TRRAP: variants seen among roughly 807,000 people sequenced by gnomAD.
The protein encoded by TRRAP is transformation/transcription domain associated protein.
TRRAP carries 41 observed loss-of-function variants against 438.8 expected under a neutral mutation model. The observed-to-expected ratio is 0.09, with a 90% CI of 0.07 to 0.12. TRRAP has a LOEUF of 0.12. TRRAP is among the 10% of genes least tolerant of loss of function. The pLI is 1.00. For synonymous variants in TRRAP, 1,994 were observed against 1,962.9 expected (o/e 1.02, Z -0.42); for missense variants, 3,122 against 5,055.1 (o/e 0.62, Z 11.60).
At chr7:98,902,592 A>ATGGAAC (rs3837104) in intron 11 of TRRAP, among the ~76,000 whole-genome samples, 58,634 of 151,696 alleles carry the variant, frequency 0.39, 13,688 homozygotes, top group Non-Finnish European at 0.51. Context: ...CATGAAGAAA[A>ATGGAAC]TGGAACATTT....
rs59353514 is a variant in TRRAP at position 98,904,483 on chromosome 7, C to CAA, written c.1036+991_1036+992dup. On this transcript the variant is annotated intron_variant, in intron 12 of 72. Transcript: ENST00000456197. ...TGGGCGACAGAGCAAGACTCTGTCTCAAAAAAAAAAAAAAAAAAAAAAAAA... is the reference window on the plus strand; with the variant it reads ...TGGGCGACAGAGCAAGACTCTGTCTCAAAAAAAAAAAAAAAAAAAAAAAAAAA... Among the ~76,000 whole-genome samples, 148 of 45,492 alleles carry CAA rather than the reference C, an allele frequency of 3.3e-3. 1 individual carries two copies. Among genetic ancestry groups the CAA allele is most frequent in the African/African-American group, 4.6e-3 (66 of 14,232 alleles). The allele number at this position is 45,492 out of a possible 152,430, so 29.8% of individuals were successfully genotyped here. A position where few individuals can be genotyped will look rare whatever the true frequency, so the allele number is the denominator to read the frequency against.
At chr7:98,882,116 C>G in intron 3 of TRRAP, 92 bp downstream of exon 3, 1 of 1,057,182 alleles carries the variant, frequency 9.5e-7, no homozygotes, top group South Asian at 1.5e-5. Context: ...ACTAGCAACT[C>G]AAAGATCATT....
intron 20 of TRRAP, among the ~76,000 whole-genome samples, chr7:98,919,879 G>A (rs1554410173): frequency 1.3e-5 from 2 of 152,180 alleles, no homozygotes; most frequent in Non-Finnish European, 2.9e-5. Context: ...CACAGGGTCA[G>A]CCTCTCCCAG....
chr7:98,909,907 G>A, intron 14 of TRRAP, 149 bp from the exon 15 acceptor site: 1 of 1,409,092 alleles, frequency 7.1e-7, no homozygotes, highest in South Asian at 1.8e-5. Flanking sequence ...GGCAAAAACT[G>A]CAATTCCTTT....
chr7:98,953,585 G>T, intron 40 of TRRAP, 152 bp downstream of exon 40: 1 of 1,110,210 alleles, frequency 9.0e-7, no homozygotes, highest in Non-Finnish European at 1.2e-6. Flanking sequence ...CCACTTAGAA[G>T]ACCATAGGGC....
chr7:98,981,982 G>A lies in TRRAP; in HGVS notation c.8826+22G>A, dbSNP rs1017891001. 5.2e-6 allele frequency: 8 copies of A among 1,546,948 alleles called. No individual in the cohort carries two copies. The African/African-American group carries it at 6.9e-5, about 13-fold the overall frequency. On this transcript the variant is annotated intron_variant, in intron 59 of 72. Transcript: ENST00000456197. ...ACAGGTGCGTGCGGTGCCCCCATGCGAGCACAGGCCTGTGGCCTGTCGCAG... is the reference window on the plus strand; with the variant it reads ...ACAGGTGCGTGCGGTGCCCCCATGCAAGCACAGGCCTGTGGCCTGTCGCAG...
chr7:98,962,438 G>A lies in TRRAP; in HGVS notation c.6829+11G>A. On this transcript the variant is annotated intron_variant, in intron 47 of 72. Coordinates refer to ENST00000456197, the MANE Select transcript of TRRAP (RefSeq NM_001375524.1). ...CCTCCCAGCTCTTCGGTGAGTGTGT[G>A]TCTGTCCTGGTGTTCGTGGTGGCTC... 1.9e-6 allele frequency: 3 copies of A among 1,614,042 alleles called. No individual in the cohort carries two copies. The highest frequency in any genetic ancestry group is 2.5e-6 in the Non-Finnish European group (3 of 1,180,026).
At chr7:98,947,054 G>A (rs1001006368) in intron 33 of TRRAP, among the ~76,000 whole-genome samples, 13 of 152,238 alleles carry the variant, frequency 8.5e-5, no homozygotes, top group African/African-American at 2.7e-4. Context: ...GTGCTGCTGG[G>A]AGTGGGGCCC....
At chr7:98,950,747 G>T (rs1263705849) in intron 38 of TRRAP, 129 bp from the exon 39 acceptor site, 1 of 1,117,560 alleles carries the variant, frequency 8.9e-7, no homozygotes, top group East Asian at 2.7e-5. Context: ...AGTCAAGGTT[G>T]GTAGTCACAC....
chr7:98,942,804 C>T, intron 30 of TRRAP, 145 bp from the exon 31 acceptor site: 2 of 826,564 alleles, frequency 2.4e-6, no homozygotes, highest in South Asian at 3.5e-5. Context: ...ATTCTCATCA[C>T]TAGTTAGATG....
At chr7:98,890,797 TTTTTTTTTA>T (rs1795931766) in intron 4 of TRRAP, among the ~76,000 whole-genome samples, 1 of 129,718 alleles carries the variant, frequency 7.7e-6, no homozygotes, top group Non-Finnish European at 1.5e-5. Context: ...TTTTTTTTTT[TTTTTTTTTA>T]AAAGACAAGG....
At chr7:98,985,167 G>A in intron 62 of TRRAP, 123 bp downstream of exon 62, 1 of 685,484 alleles carries the variant, frequency 1.5e-6, no homozygotes, top group South Asian at 2.2e-5. Flanking sequence ...CAGTCATTAG[G>A]TAGGATTTTT....
At position 98,991,054 on chromosome 7, in the gene TRRAP, G is replaced by A. The variant is rs112933537; in HGVS notation, c.9756+435G>A. On this transcript the variant is annotated intron_variant, in intron 64 of 72. Transcript: ENST00000456197. Reference sequence around the variant, plus strand: ...GCCCAATTGTGGCTGTCGCCCTTTCGACAGTTGAGCTGCATCATAAGGAAC... The same window carrying A: ...GCCCAATTGTGGCTGTCGCCCTTTCAACAGTTGAGCTGCATCATAAGGAAC... Among the ~76,000 whole-genome samples, 5 of 152,250 alleles carry A rather than the reference G, an allele frequency of 3.3e-5. No homozygotes were observed. In the East Asian group the frequency reaches 7.7e-4, roughly 24 times the overall value.
chr7:98,929,011 C>T (rs1313845078), intron 23 of TRRAP, among the ~76,000 whole-genome samples: 1 of 151,136 alleles, frequency 6.6e-6, no homozygotes, highest in African/African-American at 2.4e-5. Flanking sequence ...GATCTCAGCT[C>T]ACTGCAACCT....
intron 67 of TRRAP, chr7:98,999,044 G>A (rs1793799085): frequency 2.3e-6 from 2 of 864,274 alleles, no homozygotes; most frequent in South Asian, 3.3e-5. Flanking sequence ...AAGGTGGATG[G>A]GAGGAGAAGG....
At position 98,958,104 on chromosome 7, in the gene TRRAP, A is replaced by G. The variant is rs782706890; in HGVS notation, c.6342+13A>G. Reference sequence around the variant, plus strand: ...CGTGGCCTGTCAGGTACGGGATCCAAGTGCCCTGCGTTAGGGCTTCTGCAG... The same window carrying G: ...CGTGGCCTGTCAGGTACGGGATCCAGGTGCCCTGCGTTAGGGCTTCTGCAG... On this transcript the variant is annotated intron_variant, in intron 44 of 72. Transcript: ENST00000456197. 10 of 1,612,050 alleles carry G rather than the reference A, an allele frequency of 6.2e-6. No homozygotes were observed. The African/African-American group carries it at 8.0e-5, about 13-fold the overall frequency.
Position 98,994,748 on chromosome 7 carries a change from G to A in TRRAP, c.10209G>A (p.Ser3403=), listed in dbSNP as rs780273644. 35 of 1,614,090 alleles carry A rather than the reference G, an allele frequency of 2.2e-5. No homozygotes were observed. Among genetic ancestry groups the A allele is most frequent in the African/African-American group, 2.7e-5 (2 of 74,934 alleles). ...GCCTGGAGAATGTGTCCAACGTCTC[G>A]ACCATGTTCTCCAGCGCAGCCTCTG... ...GVGLENVSNV[S]TMFSSAASES... Residue 3403 remains serine (S), a synonymous_variant, in exon 67 of 73, where the codon TCG becomes TCA. Coordinates refer to ENST00000456197, the MANE Select transcript of TRRAP (RefSeq NM_001375524.1). The surrounding 1 kb of genome is among the most constrained non-coding windows in gnomAD (Gnocchi z 4.8).
intron 58 of TRRAP, among the ~76,000 whole-genome samples, chr7:98,979,977 C>T (rs1033336062): frequency 2.0e-5 from 3 of 152,064 alleles, no homozygotes; most frequent in Non-Finnish European, 2.9e-5. Flanking sequence ...TGCCGTTTTT[C>T]TTAGTGTAAC....
At chr7:98,978,690 TA>T in intron 57 of TRRAP, 78 bp from the exon 58 acceptor site, 6 of 1,593,378 alleles carry the variant, frequency 3.8e-6, no homozygotes, top group Non-Finnish European at 5.1e-6. Context: ...ATTTGCTCCT[TA>T]AAACCCTGTC....
Sources: allele counts gnomAD v4.1 joint callset (sites outside exome capture counted in the v4.1 genomes callset), GRCh38; gene constraint gnomAD v4.1.1; non-coding constraint Gnocchi (gnomAD v3.1); transcripts MANE v1.5; gene names NCBI Gene and HGNC (gene_info 2026-07-23, HGNC 2026-07-21).